Variants in PCNX2 observed in about 807,000 individuals in gnomAD.
PCNX2 encodes the protein pecanex 2.
PCNX2 carries 168 observed loss-of-function variants against 223.8 expected under a neutral mutation model. That is an observed-to-expected ratio of 0.75 (90% CI 0.66 to 0.85). PCNX2 has a LOEUF of 0.85. PCNX2 is among the 40% of genes least tolerant of loss of function. The pLI, the probability that PCNX2 is intolerant of heterozygous loss-of-function variation, is 0.00. For missense variants in PCNX2, 2,507 were observed against 2,675.5 expected, an observed-to-expected ratio of 0.94 and a Z score of 1.39; for synonymous variants, 1,006 against 1,052.6, an observed-to-expected ratio of 0.96 and a Z score of 0.86.
At chr1:233,264,790 G>A (rs1237188763) in intron 1 of PCNX2, among the ~76,000 whole-genome samples, 13 of 152,044 alleles carry the variant, frequency 8.6e-5, no homozygotes, top group South Asian at 6.2e-4. Context: ...CTACTAATAC[G>A]TTAAAATACT....
chr1:233,141,858 G>A (rs1003715255), intron 19 of PCNX2, among the ~76,000 whole-genome samples: 1 of 151,794 alleles, frequency 6.6e-6, no homozygotes, highest in African/African-American at 2.4e-5. Flanking sequence ...ATTCGAATGG[G>A]CTAGGAATGG....
chr1:233,301,773 G>A, the PCNX2 span, among the ~76,000 whole-genome samples: 1 of 148,654 alleles, frequency 6.7e-6, no homozygotes, highest in Non-Finnish European at 1.5e-5. Context: ...GAAAGATAAA[G>A]TCACAGGACC....
At chr1:233,327,265 C>A in the PCNX2 span, among the ~76,000 whole-genome samples, 4 of 151,710 alleles carry the variant, frequency 2.6e-5, no homozygotes, top group Non-Finnish European at 5.9e-5. Flanking sequence ...AAATTTATAG[C>A]GGATGACGGC....
At chr1:233,124,715 T>C (rs910929805) in intron 21 of PCNX2, among the ~76,000 whole-genome samples, 1 of 152,264 alleles carries the variant, frequency 6.6e-6, no homozygotes, top group Admixed American at 6.5e-5. Flanking sequence ...ATTTTAAATG[T>C]AGAGATGGCA....
Position 233,258,736 on chromosome 1 carries a change from T to C in PCNX2, c.1126A>G (p.Ile376Val). 6.2e-7 allele frequency: 1 copy of C among 1,613,914 alleles called. No individual in the cohort carries two copies. The highest frequency in any genetic ancestry group is 8.5e-7 in the Non-Finnish European group (1 of 1,179,890). Residue 376 changes from isoleucine (I) to valine (V), a missense_variant, in exon 5 of 34, where the codon ATT becomes GTT. Physicochemically the swap from Ile to Val is conservative, Grantham distance 29. Coordinates refer to ENST00000258229, the MANE Select transcript of PCNX2 (RefSeq NM_014801.4). ...GGGGTACTGCTCATCGTGATAACAA[T>C]TTTTATGGGCTCATGTAGACTCAGT... ...DPLSLHEPIKIVITMSSTPNS... is the reference protein window; with the variant it reads ...DPLSLHEPIKVVITMSSTPNS...
chr1:232,998,356 C>T lies in PCNX2; in HGVS notation c.5686G>A (p.Gly1896Ser), dbSNP rs1157766688. The change falls in exon 32 of 34, where the codon GGC (glycine) becomes AGC (serine). Residue 1896 changes from glycine to serine, a missense_variant. Gly to Ser is a moderately conservative substitution (Grantham distance 56). Around this residue, in one of 3 missense-constraint regions of PCNX2, gnomAD observed 1,372 missense variants for 1,509.4 expected, o/e 0.91. Transcript: ENST00000258229. ...CTGCCACCACTCGGGGCATTGTTGC[C>T]ACCTGTCGTCGGGGCCCCTCCTCCG... ...VDGGGAPTTG[G>S]NNAPSGGSQE... 6.2e-7 allele frequency: 1 copy of T among 1,613,152 alleles called. No homozygotes were observed. Among genetic ancestry groups the T allele is most frequent in the Non-Finnish European group, 8.5e-7 (1 of 1,179,660 alleles).
chr1:233,232,751 T>C, intron 9 of PCNX2: 1 of 942,750 alleles, frequency 1.1e-6, no homozygotes, highest in Non-Finnish European at 1.3e-6. Context: ...AATGCTACCT[T>C]TATATCTACC....
chr1:233,006,837 T>G (rs1353447457), intron 28 of PCNX2, among the ~76,000 whole-genome samples: 3 of 152,158 alleles, frequency 2.0e-5, no homozygotes, highest in Non-Finnish European at 4.4e-5. Flanking sequence ...AAGTGTGATT[T>G]GCAGGCTGGG....
chr1:232,989,361 G>A (rs541208679), intron 32 of PCNX2, among the ~76,000 whole-genome samples: 1 of 152,140 alleles, frequency 6.6e-6, no homozygotes, highest in Non-Finnish European at 1.5e-5. Context: ...GGCTGAGGCA[G>A]GAGAATGGCG....
chr1:233,325,513 A>C, the PCNX2 span, among the ~76,000 whole-genome samples: 1 of 151,044 alleles, frequency 6.6e-6, no homozygotes, highest in Non-Finnish European at 1.5e-5. Flanking sequence ...AAAAAAAAAA[A>C]AAACCAAAAA....
At chr1:233,251,008 A>C (rs1482340653) in intron 7 of PCNX2, among the ~76,000 whole-genome samples, 176 bp from the exon 8 acceptor site, 1 of 152,238 alleles carries the variant, frequency 6.6e-6, no homozygotes. Flanking sequence ...GAGAAGTTGA[A>C]GGATGTCTGA....
intron 1 of PCNX2, among the ~76,000 whole-genome samples, chr1:233,284,172 C>A (rs570168601): frequency 6.6e-6 from 1 of 152,084 alleles, no homozygotes; most frequent in Admixed American, 6.5e-5. Context: ...GCTGGCATAA[C>A]GGAAATTTGG....
chr1:233,305,235 AG>A, the PCNX2 span, among the ~76,000 whole-genome samples: 2 of 152,208 alleles, frequency 1.3e-5, no homozygotes, highest in Non-Finnish European at 2.9e-5. Context: ...TCGTAAAGCA[AG>A]AATTACAAAA....
chr1:233,212,786 T>C (rs963407360), intron 12 of PCNX2, among the ~76,000 whole-genome samples: 21 of 152,360 alleles, frequency 1.4e-4, no homozygotes, highest in African/African-American at 5.0e-4. Flanking sequence ...AAAGACACAA[T>C]TGAATATTAT....
chr1:233,240,954 G>A lies in PCNX2; in HGVS notation c.2223-3974C>T, dbSNP rs184123110. Among the ~76,000 whole-genome samples, 11 of 152,254 alleles carry A rather than the reference G, an allele frequency of 7.2e-5. No homozygotes were observed. The East Asian group carries it at 1.5e-3, about 21-fold the overall frequency. ...TTCATCTTCCCCAGAGTTTAAAGAC[G>A]ATAGCCTATCACTCTCAGAGAGAGG... On this transcript the variant is annotated intron_variant, in intron 8 of 33. Transcript: ENST00000258229.
At chr1:233,179,361 A>G (rs1679665713) in intron 15 of PCNX2, among the ~76,000 whole-genome samples, 186 bp from the exon 16 acceptor site, 1 of 152,216 alleles carries the variant, frequency 6.6e-6, no homozygotes, top group African/African-American at 2.4e-5. Flanking sequence ...GTTTATAGAC[A>G]TTGATTTTGA....
intron 17 of PCNX2, among the ~76,000 whole-genome samples, chr1:233,171,541 T>C (rs148611706): frequency 6.6e-6 from 1 of 152,346 alleles, no homozygotes; most frequent in African/African-American, 2.4e-5. Context: ...GGGCTCTTGA[T>C]AAGGGAGCTT....
intron 18 of PCNX2, 69 bp from the exon 19 acceptor site, chr1:233,160,502 T>C (rs1426180647): frequency 1.6e-5 from 24 of 1,486,210 alleles, no homozygotes; most frequent in Non-Finnish European, 1.9e-5. Flanking sequence ...CCATGAATAA[T>C]ACATAACATC....
chr1:233,164,657 T>C (rs952205360), intron 17 of PCNX2, among the ~76,000 whole-genome samples: 7 of 150,660 alleles, frequency 4.6e-5, no homozygotes, highest in Non-Finnish European at 8.9e-5. Context: ...GAAAATGTGA[T>C]ATACACAAAC....
Sources: gnomAD v4.1 joint callset for allele counts (sites outside exome capture counted in the v4.1 genomes callset) on GRCh38, gnomAD v4.1.1 for gene constraint, gnomAD v4.1.1 regional missense constraint, MANE v1.5 for transcripts, NCBI Gene and HGNC (gene_info 2026-07-23, HGNC 2026-07-21) for gene names.